Variants in RGS3 observed in about 807,000 individuals in gnomAD.
RGS3 encodes regulator of G protein signaling 3.
A neutral mutation model predicts 132.6 loss-of-function variants in RGS3; 80 were observed. The observed-to-expected ratio is 0.60, with a 90% CI of 0.50 to 0.73. The LOEUF is 0.73. Among genes scored for constraint, RGS3 ranks in the 30% least tolerant of loss-of-function variants. RGS3 has a pLI of 0.00. For missense variants in RGS3, 1,382 were observed against 1,530.8 expected, an observed-to-expected ratio of 0.90 and a Z score of 1.62; for synonymous variants, 598 against 620.6, an observed-to-expected ratio of 0.96 and a Z score of 0.54.
chr9:113,447,319 G>GTGTATATATATATATA (rs1301499712), intron 1 of RGS3, among the ~76,000 whole-genome samples: 2 of 21,886 alleles, frequency 9.1e-5, no homozygotes, highest in African/African-American at 1.6e-4. Flanking sequence ...AAATTCTGAT[G>GTGTATATATATATATA]TATGTATATG....
chr9:113,447,398 C>CT (rs1331070478), intron 1 of RGS3, among the ~76,000 whole-genome samples: 2 of 105,282 alleles, frequency 1.9e-5, no homozygotes, highest in African/African-American at 6.6e-5. Flanking sequence ...GAAATGTCTA[C>CT]TTTATATTTT....
chr9:113,526,650 C>G (rs965763814), intron 17 of RGS3, among the ~76,000 whole-genome samples: 2 of 152,250 alleles, frequency 1.3e-5, no homozygotes, highest in Middle Eastern at 3.4e-3. Flanking sequence ...GATCTCAGAT[C>G]AGGTGAGAGA....
intron 19 of RGS3, among the ~76,000 whole-genome samples, chr9:113,547,688 C>T (rs559550000): frequency 6.6e-6 from 1 of 152,352 alleles, no homozygotes; most frequent in South Asian, 2.1e-4. Flanking sequence ...AGGCTAATTT[C>T]CGCGTGGAAT....
Position 113,506,587 on chromosome 9 carries a change from G to C in RGS3, c.1085+94G>C. ...TGCCTTGCCTGGCCCAGCTCTTGCT[G>C]CTCCCTCTTTTGCCTAGCTGTGAGC... On this transcript the variant is annotated intron_variant, in intron 12 of 24. Transcript: ENST00000350696. The surrounding 1 kb of genome is among the most constrained non-coding windows in gnomAD (Gnocchi z 4.7). 1 of 789,796 alleles carries C rather than the reference G, an allele frequency of 1.3e-6. No homozygotes were observed. 48.9% of individuals were successfully genotyped at this position (789,796 alleles called of 1,614,324 possible).
intron 17 of RGS3, among the ~76,000 whole-genome samples, chr9:113,525,709 G>C (rs927598565): frequency 6.6e-6 from 1 of 152,194 alleles, no homozygotes; most frequent in Non-Finnish European, 1.5e-5. Context: ...GGGAGAATCA[G>C]CCCCATGCTA....
intron 19 of RGS3, among the ~76,000 whole-genome samples, chr9:113,576,910 G>C (rs183342524): frequency 6.6e-6 from 1 of 152,380 alleles, no homozygotes; most frequent in East Asian, 1.9e-4. Context: ...CAGTGGTCTA[G>C]AGGGAAGTGG....
intron 1 of RGS3, among the ~76,000 whole-genome samples, chr9:113,445,219 C>T (rs1829076312): frequency 6.7e-6 from 1 of 150,262 alleles, no homozygotes; most frequent in African/African-American, 2.4e-5. Flanking sequence ...TTTTTTGAGA[C>T]AGAGTTTTGC....
chr9:113,450,273 G>C (rs915831104), intron 1 of RGS3, among the ~76,000 whole-genome samples: 3 of 151,124 alleles, frequency 2.0e-5, no homozygotes, highest in Non-Finnish European at 4.4e-5. Flanking sequence ...GGGTTTCACC[G>C]TATTAGCCAG....
At chr9:113,539,432 C>T (rs1428060278) in intron 19 of RGS3, among the ~76,000 whole-genome samples, 1 of 152,210 alleles carries the variant, frequency 6.6e-6, no homozygotes, top group Non-Finnish European at 1.5e-5. Context: ...GGCTCAGCCT[C>T]CCGAGTAGCT....
intron 19 of RGS3, among the ~76,000 whole-genome samples, chr9:113,558,989 G>A (rs371903741): frequency 2.6e-5 from 4 of 152,312 alleles, no homozygotes; most frequent in African/African-American, 9.6e-5. Flanking sequence ...TGGAGGTGGT[G>A]GGGGGGATTG....
chr9:113,510,112 C>T (rs774878268), intron 14 of RGS3, among the ~76,000 whole-genome samples: 2 of 151,948 alleles, frequency 1.3e-5, no homozygotes, highest in African/African-American at 2.4e-5. Flanking sequence ...CCGAAGTCTG[C>T]AAAGTCCATG....
intron 10 of RGS3, among the ~76,000 whole-genome samples, chr9:113,503,678 G>A (rs1029579806): frequency 6.6e-6 from 1 of 152,212 alleles, no homozygotes; most frequent in Non-Finnish European, 1.5e-5. Flanking sequence ...TTCTATGCAG[G>A]GGGCTTTGGC....
chr9:113,475,490 C>T (rs1479564184), intron 3 of RGS3, among the ~76,000 whole-genome samples: 1 of 152,178 alleles, frequency 6.6e-6, no homozygotes, highest in Non-Finnish European at 1.5e-5. Flanking sequence ...ACTACAACTT[C>T]AACCTCTTGG....
At chr9:113,449,633 T>G (rs1295058295) in intron 1 of RGS3, among the ~76,000 whole-genome samples, 4 of 152,234 alleles carry the variant, frequency 2.6e-5, no homozygotes. Flanking sequence ...GTGTATTTTA[T>G]GGTTGACATA....
At position 113,595,770 on chromosome 9, in the gene RGS3, G is replaced by A. The variant is rs754210284; in HGVS notation, c.3411+5G>A. 6.8e-6 allele frequency: 11 copies of A among 1,613,322 alleles called. No individual in the cohort carries two copies. The East Asian group carries it at 2.2e-4, about 33-fold the overall frequency. On this transcript the variant is annotated splice_donor_5th_base_variant and intron_variant, in intron 24 of 24. Transcript: ENST00000350696. Reference sequence around the variant, plus strand: ...GCGATCCAGGCATGCAAGGAGGTAGGACCTCAGGGCAGACCCTCCGCTCCT... The same window carrying A: ...GCGATCCAGGCATGCAAGGAGGTAGAACCTCAGGGCAGACCCTCCGCTCCT...
In RGS3 at chr9:113,507,567, G is replaced by A. The variant is rs1340669139; in HGVS notation, c.1366G>A (p.Ala456Thr). 1 of 1,559,562 alleles carries A rather than the reference G, an allele frequency of 6.4e-7. No homozygotes were observed. The highest frequency in any genetic ancestry group is 1.2e-5 in the South Asian group (1 of 83,272). Residue 456 changes from alanine (A) to threonine (T), a missense_variant, in exon 13 of 25, where the codon GCA (alanine) becomes ACA (threonine). By Grantham distance (58) the Ala-to-Thr change is moderately conservative (BLOSUM62 0). Transcript: ENST00000350696. The surrounding 1 kb of genome is among the most constrained non-coding windows in gnomAD (Gnocchi z 5.0). Reference sequence around the variant, plus strand: ...GCGCGGGGGCCAGCACACCCTGCCTGCACTGTCCCGTGCCACTGCCCCCAC... The same window carrying A: ...GCGCGGGGGCCAGCACACCCTGCCTACACTGTCCCGTGCCACTGCCCCCAC...
At chr9:113,553,132 A>G (rs1833407634) in intron 19 of RGS3, among the ~76,000 whole-genome samples, 1 of 151,966 alleles carries the variant, frequency 6.6e-6, no homozygotes, top group Non-Finnish European at 1.5e-5. Context: ...TTATACATAC[A>G]TTTTTGTAAC....
chr9:113,451,350 GATGCCATGA>G (rs1290637848), intron 1 of RGS3, among the ~76,000 whole-genome samples: 2 of 152,114 alleles, frequency 1.3e-5, no homozygotes, highest in Non-Finnish European at 2.9e-5. Flanking sequence ...GGGATCCCTG[GATGCCATGA>G]CCTTTGCCCC....
At chr9:113,553,459 A>AAAATAT (rs1426114805) in intron 19 of RGS3, among the ~76,000 whole-genome samples, 23 of 58,692 alleles carry the variant, frequency 3.9e-4, no homozygotes, top group East Asian at 8.6e-4. Flanking sequence ...AAAAAAAAAA[A>AAAATAT]ATATATATAT....
Sources: gnomAD v4.1 joint callset for allele counts (sites outside exome capture counted in the v4.1 genomes callset) on GRCh38, gnomAD v4.1.1 for gene constraint, Gnocchi (gnomAD v3.1) non-coding constraint, MANE v1.5 for transcripts, NCBI Gene and HGNC (gene_info 2026-07-23, HGNC 2026-07-21) for gene names.